Variants in HIVEP2 observed in about 807,000 individuals in gnomAD.
HIVEP2 encodes the protein HIVEP zinc finger 2, also known as transcription factor HIVEP2.
Under a neutral mutation model 180.7 loss-of-function variants are expected in HIVEP2, and 14 were observed. The observed-to-expected ratio is 0.08, with a 90% CI of 0.05 to 0.12. The LOEUF (loss-of-function observed/expected upper bound fraction) is 0.12. HIVEP2 is among the 10% of genes least tolerant of loss of function. The pLI is 1.00. For missense variants in HIVEP2, 2,579 were observed against 3,008.5 expected (o/e 0.86, Z 3.34); for synonymous variants, 1,184 against 1,136.4 (o/e 1.04, Z -0.84).
At chr6:142,780,609 CTA>C (rs1421492875) in intron 3 of HIVEP2, among the ~76,000 whole-genome samples, 1 of 152,074 alleles carries the variant, frequency 6.6e-6, no homozygotes, top group Admixed American at 6.5e-5. Flanking sequence ...AAAATATGGA[CTA>C]TTTGTATTTG....
intron 1 of HIVEP2, among the ~76,000 whole-genome samples, chr6:142,856,520 C>A (rs181391836): frequency 6.6e-6 from 1 of 152,352 alleles, no homozygotes; most frequent in East Asian, 1.9e-4. Flanking sequence ...CCTCAGCAGT[C>A]AGCTGGAGAG....
chr6:142,816,788 A>G (rs893712045), intron 2 of HIVEP2, among the ~76,000 whole-genome samples: 2 of 152,198 alleles, frequency 1.3e-5, no homozygotes, highest in African/African-American at 4.8e-5. Flanking sequence ...ACTGCCAATG[A>G]GTTGTTCAAA....
chr6:142,857,548 G>A (rs1462792198), intron 1 of HIVEP2, among the ~76,000 whole-genome samples: 2 of 152,144 alleles, frequency 1.3e-5, no homozygotes, highest in African/African-American at 2.4e-5. Context: ...ATTCTACTTC[G>A]GGTGCAGCTG....
chr6:142,926,996 G>C (rs1334097301), intron 1 of HIVEP2, among the ~76,000 whole-genome samples: 1 of 151,372 alleles, frequency 6.6e-6, no homozygotes, highest in African/African-American at 2.4e-5. Flanking sequence ...TCCAGGGCAG[G>C]CAGCGCGCGG....
intron 1 of HIVEP2, among the ~76,000 whole-genome samples, chr6:142,862,022 A>G (rs1016127019): frequency 2.0e-5 from 3 of 152,016 alleles, no homozygotes; most frequent in Non-Finnish European, 4.4e-5. Flanking sequence ...CGTTACTTAA[A>G]TTTTTTTTCA....
At chr6:142,903,842 G>T (rs1324596703) in intron 1 of HIVEP2, among the ~76,000 whole-genome samples, 1 of 151,134 alleles carries the variant, frequency 6.6e-6, no homozygotes, top group African/African-American at 2.4e-5. Context: ...GCTAATGATT[G>T]CACCAAAACA....
intron 2 of HIVEP2, among the ~76,000 whole-genome samples, chr6:142,786,190 C>A (rs1337864616): frequency 3.3e-5 from 5 of 152,144 alleles, no homozygotes; most frequent in Non-Finnish European, 7.4e-5. Flanking sequence ...TATGACAACT[C>A]ATGCTCTTAT....
chr6:142,880,544 C>A (rs1465536841), intron 1 of HIVEP2, among the ~76,000 whole-genome samples: 1 of 152,148 alleles, frequency 6.6e-6, no homozygotes, highest in Non-Finnish European at 1.5e-5. Flanking sequence ...TTCTCTGAGG[C>A]CTGGGAGCTT....
chr6:142,855,183 T>A (rs1315057251), intron 1 of HIVEP2, among the ~76,000 whole-genome samples: 1 of 152,168 alleles, frequency 6.6e-6, no homozygotes, highest in Admixed American at 6.5e-5. Context: ...CTACAATAGA[T>A]GAACCACCCA....
In HIVEP2 at chr6:142,752,156, A is replaced by G. The variant is rs1774938889; in HGVS notation, c.*951T>C. ...TAGGTCTGTGGCAACCTAGTGTCCA[A>G]CTGAGTTACATAAAATTGTACCAGT... On this transcript the variant is annotated 3_prime_UTR_variant, in exon 10 of 10. Transcript: ENST00000367603. 6.6e-6 allele frequency: 1 copy of G among 152,662 alleles called. No individual in the cohort carries two copies. Among genetic ancestry groups the G allele is most frequent in the Non-Finnish European group, 1.5e-5 (1 of 68,052 alleles). 9.5% of individuals were successfully genotyped at this position (152,662 alleles called of 1,614,324 possible). A position where few individuals can be genotyped will look rare whatever the true frequency, so the allele number is the denominator to read the frequency against.
Position 142,774,870 on chromosome 6 carries a change from C to G in HIVEP2, c.-132G>C. ...GTGTCTGCAAACTTGCTGATTGCTC[C>G]TTCTCTTTGGAACCTTCCACACGCA... On this transcript the variant is annotated 5_prime_UTR_variant, in exon 5 of 10. Transcript: ENST00000367603. The surrounding 1 kb of genome is among the most constrained non-coding windows in gnomAD (Gnocchi z 5.1). 6 of 1,510,292 alleles carry G rather than the reference C, an allele frequency of 4.0e-6. No individual in the cohort carries two copies. In the South Asian group the frequency reaches 6.8e-5, roughly 17 times the overall value. The allele number at this position is 1,510,292 out of a possible 1,614,324, so 93.6% of individuals were successfully genotyped here.
intron 1 of HIVEP2, among the ~76,000 whole-genome samples, chr6:142,939,462 C>T (rs1269298723): frequency 6.6e-6 from 1 of 152,160 alleles, no homozygotes; most frequent in Non-Finnish European, 1.5e-5. Context: ...TCTGGAGCTA[C>T]GTACCTTTCC....
chr6:142,792,752 T>A (rs1184223491), intron 2 of HIVEP2, among the ~76,000 whole-genome samples: 2 of 151,564 alleles, frequency 1.3e-5, no homozygotes, highest in Non-Finnish European at 2.9e-5. Flanking sequence ...AATAAATAAA[T>A]GAATATTTCA....
chr6:142,798,578 A>C (rs541515234), intron 2 of HIVEP2, among the ~76,000 whole-genome samples: 1 of 152,248 alleles, frequency 6.6e-6, no homozygotes, highest in Non-Finnish European at 1.5e-5. Flanking sequence ...AAGGTTGTAC[A>C]GTGTTTCGCC....
At chr6:142,792,742 A>C (rs1023417534) in intron 2 of HIVEP2, among the ~76,000 whole-genome samples, 6 of 152,116 alleles carry the variant, frequency 3.9e-5, no homozygotes, top group Non-Finnish European at 7.4e-5. Flanking sequence ...AAAACTAATA[A>C]ATAAATAAAT....
In HIVEP2 at chr6:142,769,713, T is replaced by A; in HGVS notation, c.5026A>T (p.Ser1676Cys). The A allele has an allele frequency of 6.2e-7, 1 of 1,614,238 alleles. No individual in the cohort carries two copies. The highest frequency in any genetic ancestry group is 8.5e-7 in the Non-Finnish European group (1 of 1,180,032). Residue 1676 changes from serine to cysteine, a missense_variant, in exon 5 of 10, where the codon AGT becomes TGT. Ser to Cys is a moderately radical substitution (Grantham distance 112, BLOSUM62 -1). This residue lies in a region of HIVEP2 where 349 missense variants were observed against 367.2 expected (regional missense o/e 0.95). Coordinates refer to ENST00000367603, the MANE Select transcript of HIVEP2 (RefSeq NM_006734.4). Reference sequence around the variant, plus strand: ...CCTGATGGGTTTGGATTACAGGAACTAATGCACCATGAAGCATAAACCGAG... The same window carrying A: ...CCTGATGGGTTTGGATTACAGGAACAAATGCACCATGAAGCATAAACCGAG... ...KSSVYASWCISSCNPNPSGLN... is the reference protein window; with the variant it reads ...KSSVYASWCICSCNPNPSGLN...
At chr6:142,830,957 A>C (rs1775063076) in intron 2 of HIVEP2, among the ~76,000 whole-genome samples, 2 of 151,836 alleles carry the variant, frequency 1.3e-5, no homozygotes, top group Non-Finnish European at 2.9e-5. Context: ...CCTTATCACT[A>C]CCCTCCAACC....
At chr6:142,876,856 TCACACACACACACA>T (rs10548517) in intron 1 of HIVEP2, among the ~76,000 whole-genome samples, 1 of 149,618 alleles carries the variant, frequency 6.7e-6, no homozygotes, top group Non-Finnish European at 1.5e-5. Flanking sequence ...AATCCCATCT[TCACACACACACACA>T]CACACACACA....
At chr6:142,912,250 C>T (rs1426677163) in intron 1 of HIVEP2, among the ~76,000 whole-genome samples, 1 of 152,206 alleles carries the variant, frequency 6.6e-6, no homozygotes, top group East Asian at 1.9e-4. Flanking sequence ...GAGCACTGCT[C>T]CAGAGTGTCA....
Sources: gnomAD v4.1 joint callset for allele counts (sites outside exome capture counted in the v4.1 genomes callset) on GRCh38, gnomAD v4.1.1 for gene constraint, gnomAD v4.1.1 regional missense constraint, Gnocchi (gnomAD v3.1) non-coding constraint, MANE v1.5 for transcripts, NCBI Gene and HGNC (gene_info 2026-07-23, HGNC 2026-07-21) for gene names.